Variants in ITPR2 observed in about 807,000 individuals in gnomAD.
ITPR2 encodes the protein inositol 1,4,5-trisphosphate-gated calcium channel ITPR2.
In ITPR2, 207 loss-of-function variants were observed where a neutral mutation model predicts 317.1. The ratio of observed to expected loss-of-function variants is 0.65; its 90% confidence interval spans 0.58 to 0.73. The LOEUF is 0.73. Among genes scored for constraint, ITPR2 ranks in the 30% least tolerant of loss-of-function variants. The probability of loss-of-function intolerance (pLI) is 0.00; values close to 1 mark genes in which losing one functional copy is unlikely to be tolerated. For synonymous variants in ITPR2, 1,156 were observed against 1,149.1 expected (o/e 1.01, Z -0.12); for missense variants, 2,613 against 3,284.0 (o/e 0.80, Z 4.99).
At chr12:26,739,183 C>T (rs1286901454) in intron 2 of ITPR2, among the ~76,000 whole-genome samples, 1 of 152,202 alleles carries the variant, frequency 6.6e-6, no homozygotes, top group East Asian at 1.9e-4. Flanking sequence ...TGTGGAGCAA[C>T]TGGAATGCTC....
intron 50 of ITPR2, among the ~76,000 whole-genome samples, chr12:26,418,348 T>C (rs1029384898): frequency 1.3e-5 from 2 of 152,192 alleles, no homozygotes; most frequent in Non-Finnish European, 2.9e-5. Context: ...ATCATGATGG[T>C]AACCTGGTAG....
At chr12:26,594,230 T>G (rs190581465) in intron 32 of ITPR2, among the ~76,000 whole-genome samples, 1 of 152,086 alleles carries the variant, frequency 6.6e-6, no homozygotes, top group African/African-American at 2.4e-5. Flanking sequence ...AAACAGGAAC[T>G]ACCTCACTCA....
intron 52 of ITPR2, among the ~76,000 whole-genome samples, chr12:26,404,542 G>T (rs1247501074): frequency 6.6e-6 from 1 of 152,112 alleles, no homozygotes; most frequent in Non-Finnish European, 1.5e-5. Context: ...AAACAATAGG[G>T]TCATCAGGAA....
At chr12:26,627,961 A>G (rs1946658329) in intron 23 of ITPR2, 72 bp downstream of exon 23, 1 of 1,313,730 alleles carries the variant, frequency 7.6e-7, no homozygotes, top group South Asian at 1.5e-5. Flanking sequence ...ATTATGTTTT[A>G]AAATATGATA....
chr12:26,391,003 TA>T (rs1939817621), intron 54 of ITPR2, among the ~76,000 whole-genome samples: 1 of 152,024 alleles, frequency 6.6e-6, no homozygotes, highest in Non-Finnish European at 1.5e-5. Flanking sequence ...CAAGGGAGCA[TA>T]AAGAAGGGCA....
At chr12:26,748,433 T>C (rs1312476481) in intron 2 of ITPR2, among the ~76,000 whole-genome samples, 1 of 152,164 alleles carries the variant, frequency 6.6e-6, no homozygotes, top group African/African-American at 2.4e-5. Flanking sequence ...AATATTAGGT[T>C]GGTGCAAATG....
rs1485608062 is a variant in ITPR2, at chr12:26,339,405, G to A, written c.8098C>T (p.Pro2700Ser). Residue 2700 changes from proline to serine, a missense_variant, in exon 57 of 57, where the codon CCA becomes TCA. Pro to Ser is a moderately conservative substitution (Grantham distance 74). This residue lies in a region of ITPR2 where 119 missense variants were observed against 144.3 expected (regional missense o/e 0.82). Coordinates refer to ENST00000381340, the MANE Select transcript of ITPR2 (RefSeq NM_002223.4). ...NTPHVNHHMPPH is the reference protein window; with the variant it reads ...NTPHVNHHMPSH ...GGCTTCCCCCCATGGTATCAGTGTG[G>A]TGGCATGTGATGATTCACATGGGGT... is the stretch of plus-strand genomic sequence containing the variant. The A allele has an allele frequency of 2.5e-6, 4 of 1,613,046 alleles. No homozygotes were observed. Among genetic ancestry groups the A allele is most frequent in the Non-Finnish European group, 3.4e-6 (4 of 1,179,162 alleles).
chr12:26,413,084 G>T (rs1430954324), intron 51 of ITPR2, among the ~76,000 whole-genome samples: 2 of 152,158 alleles, frequency 1.3e-5, no homozygotes, highest in Non-Finnish European at 2.9e-5. Context: ...GGACAGGTGT[G>T]GGTGAGAGAA....
chr12:26,411,457 C>T (rs1402792251), intron 51 of ITPR2, 45 bp from the exon 52 acceptor site: 2 of 1,331,678 alleles, frequency 1.5e-6, no homozygotes, highest in Non-Finnish European at 2.1e-6. Flanking sequence ...CAAATATGCA[C>T]ATGATGAAAA....
intron 2 of ITPR2, among the ~76,000 whole-genome samples, chr12:26,729,321 G>C (rs753981631): frequency 1.1e-4 from 17 of 152,192 alleles, no homozygotes; most frequent in Non-Finnish European, 8.8e-5. Context: ...ACAGATGCTA[G>C]TGAGGTTATG....
intron 26 of ITPR2, among the ~76,000 whole-genome samples, chr12:26,617,422 A>G (rs986428515): frequency 3.3e-5 from 5 of 152,198 alleles, no homozygotes; most frequent in African/African-American, 1.2e-4. Context: ...ATCAGTAGTC[A>G]AAGTCTTTCC....
chr12:26,573,977 G>A (rs561314926), intron 34 of ITPR2, among the ~76,000 whole-genome samples: 2 of 152,300 alleles, frequency 1.3e-5, no homozygotes, highest in South Asian at 2.1e-4. Flanking sequence ...ATCCATGTCC[G>A]ATGATGGTAG....
chr12:26,673,800 T>C (rs1325181404), intron 13 of ITPR2, among the ~76,000 whole-genome samples: 8 of 138,180 alleles, frequency 5.8e-5, no homozygotes, highest in Admixed American at 7.6e-5. Flanking sequence ...AAAACCCCAT[T>C]GTCTCAGCCC....
At chr12:26,614,284 A>C (rs1946330009) in intron 26 of ITPR2, among the ~76,000 whole-genome samples, 4 of 152,018 alleles carry the variant, frequency 2.6e-5, no homozygotes, top group Admixed American at 2.0e-4. Context: ...AAATGACAAT[A>C]CTAGATCTGC....
At chr12:26,523,925 G>A (rs1176527399) in intron 37 of ITPR2, among the ~76,000 whole-genome samples, 1 of 152,200 alleles carries the variant, frequency 6.6e-6, no homozygotes, top group Non-Finnish European at 1.5e-5. Context: ...CCGCCTCAGT[G>A]GCTTGGCAGT....
intron 26 of ITPR2, among the ~76,000 whole-genome samples, chr12:26,612,869 T>G (rs1403069630): frequency 6.6e-6 from 1 of 152,254 alleles, no homozygotes; most frequent in Non-Finnish European, 1.5e-5. Flanking sequence ...TGAACTTTAC[T>G]TCTCTTATTA....
intron 2 of ITPR2, among the ~76,000 whole-genome samples, chr12:26,788,283 A>C (rs1224764654): frequency 3.9e-5 from 6 of 152,206 alleles, no homozygotes; most frequent in African/African-American, 1.4e-4. Context: ...CAGGGCTCAC[A>C]AAACCTCGTG....
Position 26,476,437 on chromosome 12 carries a change from C to T in ITPR2, c.6219+475G>A, listed in dbSNP as rs74798154. On this transcript the variant is annotated intron_variant, in intron 44 of 56. Transcript: ENST00000381340. ...GACACACTAATGATCTCTGTGGAATCTCTACTAGAGTATGCACAGTTTCCT... is the reference window on the plus strand; with the variant it reads ...GACACACTAATGATCTCTGTGGAATTTCTACTAGAGTATGCACAGTTTCCT... Among the ~76,000 whole-genome samples the T allele has an allele frequency of 5.8e-3, 889 of 152,284 alleles. 16 individuals are homozygous for T. The highest frequency in any genetic ancestry group is 0.031 in the Admixed American group (472 of 15,298).
chr12:26,796,835 G>T (rs1195698773), intron 1 of ITPR2, among the ~76,000 whole-genome samples: 1 of 151,954 alleles, frequency 6.6e-6, no homozygotes, highest in East Asian at 1.9e-4. Flanking sequence ...TTCGAGACCA[G>T]TCTGGCCAAC....
Sources: gnomAD v4.1 joint callset for allele counts (sites outside exome capture counted in the v4.1 genomes callset) on GRCh38, gnomAD v4.1.1 for gene constraint, gnomAD v4.1.1 regional missense constraint, MANE v1.5 for transcripts, NCBI Gene and HGNC (gene_info 2026-07-23, HGNC 2026-07-21) for gene names.